Variants in ADAM12 observed in about 807,000 individuals in gnomAD.
ADAM12 encodes ADAM metallopeptidase domain 12, also known as disintegrin and metalloproteinase domain-containing protein 12.
Under a neutral mutation model 106.4 loss-of-function variants are expected in ADAM12, and 70 were observed. That is an observed-to-expected ratio of 0.66 (90% CI 0.54 to 0.80). ADAM12 has a LOEUF of 0.80. Ranked by LOEUF, ADAM12 falls within the 30% of genes least tolerant of loss-of-function variation. The pLI is 0.00. For synonymous variants in ADAM12, 420 were observed against 433.5 expected (o/e 0.97, Z 0.39); for missense variants, 1,010 against 1,171.9 (o/e 0.86, Z 2.02).
At chr10:126,221,404 A>AAAG (rs1554989463) in intron 3 of ADAM12, among the ~76,000 whole-genome samples, 127 of 149,916 alleles carry the variant, frequency 8.5e-4, no homozygotes, top group African/African-American at 2.7e-3. Context: ...AAAAAAAAAA[A>AAAG]AAAGAAAGAA....
intron 2 of ADAM12, among the ~76,000 whole-genome samples, chr10:126,296,948 G>A (rs1392760965): frequency 6.6e-6 from 1 of 152,208 alleles, no homozygotes; most frequent in Admixed American, 6.5e-5. Context: ...CAGCCAAGCT[G>A]GTAGCTGCCA....
chr10:126,335,300 G>A (rs187865262), intron 1 of ADAM12, among the ~76,000 whole-genome samples: 1 of 152,192 alleles, frequency 6.6e-6, no homozygotes, highest in Admixed American at 6.5e-5. Context: ...GCTTGAAAGG[G>A]AAATCATTAT....
intron 3 of ADAM12, among the ~76,000 whole-genome samples, chr10:126,237,873 T>C (rs1475960780): frequency 1.3e-5 from 2 of 152,146 alleles, no homozygotes; most frequent in Non-Finnish European, 2.9e-5. Context: ...TAGGATGACA[T>C]AAAGATCAAG....
intron 11 of ADAM12, 28 bp from the exon 12 acceptor site, chr10:126,071,682 G>A (rs374823436): frequency 6.2e-7 from 1 of 1,610,072 alleles, no homozygotes; most frequent in Non-Finnish European, 8.5e-7. Flanking sequence ...AGAACAGTAA[G>A]TCACAGGGCA....
At chr10:126,051,150 T>C (rs1425161025) in intron 14 of ADAM12, among the ~76,000 whole-genome samples, 20 of 152,210 alleles carry the variant, frequency 1.3e-4, no homozygotes, top group Admixed American at 1.3e-3. Context: ...AGAGCCTCAG[T>C]GTGGAACCTG....
intron 2 of ADAM12, among the ~76,000 whole-genome samples, chr10:126,286,116 T>C (rs1400568169): frequency 1.3e-5 from 2 of 152,154 alleles, no homozygotes; most frequent in Admixed American, 6.5e-5. Flanking sequence ...AATGTAGCTT[T>C]GCATGGTTGT....
intron 11 of ADAM12, among the ~76,000 whole-genome samples, chr10:126,092,587 A>G (rs868517864): frequency 6.6e-6 from 1 of 152,178 alleles, no homozygotes; most frequent in Admixed American, 6.5e-5. Flanking sequence ...GCAATATTTC[A>G]TTTCCTATCG....
chr10:126,098,743 T>G (rs1955604005), intron 9 of ADAM12, among the ~76,000 whole-genome samples: 1 of 152,232 alleles, frequency 6.6e-6, no homozygotes. Context: ...GTTATTACTT[T>G]TGTACTTATG....
rs957593665 is a variant in ADAM12 at position 126,388,463 on chromosome 10, G to A, written c.-318C>T. 3.3e-4 allele frequency: 71 copies of A among 217,736 alleles called. No individual in the cohort carries two copies. The highest frequency in any genetic ancestry group is 1.5e-3 in the African/African-American group (67 of 43,664). The allele number at this position is 217,736 out of a possible 1,614,324, so 13.5% of individuals were successfully genotyped here. ...CTAGGAAGAGCGTTAGTGAGAGAAG[G>A]CAGGCCTGTGAAATGGATCCACGGC... is the stretch of plus-strand genomic sequence containing the variant. On this transcript the variant is annotated 5_prime_UTR_variant, in exon 1 of 23. Transcript: ENST00000448723. This position sits in a 1 kb window ranked among gnomAD's most constrained non-coding sequence, Gnocchi z 4.4.
intron 5 of ADAM12, among the ~76,000 whole-genome samples, chr10:126,129,941 T>C (rs1310939651): frequency 6.6e-6 from 1 of 152,204 alleles, no homozygotes; most frequent in Non-Finnish European, 1.5e-5. Context: ...CTCCTTCTTC[T>C]ATGTTCTAGA....
rs1234013320 is a variant in ADAM12, at chr10:126,388,173, T to TA, written c.-29_-28insT. The TA allele has an allele frequency of 4.1e-5, 49 of 1,204,660 alleles. No homozygotes were observed. Among genetic ancestry groups the TA allele is most frequent in the Non-Finnish European group, 4.9e-5 (48 of 970,460 alleles). The allele number at this position is 1,204,660 out of a possible 1,614,324, so 74.6% of individuals were successfully genotyped here. On this transcript the variant is annotated 5_prime_UTR_variant, in exon 1 of 23. An upstream open reading frame in the 5' UTR gains an earlier in-frame stop. Transcript: ENST00000448723. The surrounding 1 kb of genome is among the most constrained non-coding windows in gnomAD (Gnocchi z 4.4). ...TCGCCGGCCTTCAGTGCAGCAGCTC[T>TA]CGGGCCCGGCGGCGAGCGCTGCACC...
At chr10:126,159,696 C>T (rs1036328317) in intron 3 of ADAM12, among the ~76,000 whole-genome samples, 5 of 152,246 alleles carry the variant, frequency 3.3e-5, no homozygotes, top group African/African-American at 9.6e-5. Flanking sequence ...TTAGAGAAAA[C>T]GAGCTTTTGA....
At chr10:126,020,551 T>G (rs548659833) in intron 21 of ADAM12, among the ~76,000 whole-genome samples, 140 of 152,106 alleles carry the variant, frequency 9.2e-4, no homozygotes, top group Non-Finnish European at 1.6e-3. Flanking sequence ...TTGACCTCTT[T>G]CTCTGGAAAA....
chr10:126,297,163 C>G (rs1431592386), intron 2 of ADAM12, among the ~76,000 whole-genome samples: 1 of 152,106 alleles, frequency 6.6e-6, no homozygotes, highest in Admixed American at 6.6e-5. Context: ...AAGGAAATAA[C>G]TAGAAAAGTA....
At chr10:126,387,857 C>T (rs1477751386) in intron 1 of ADAM12, among the ~76,000 whole-genome samples, 1 of 147,512 alleles carries the variant, frequency 6.8e-6, no homozygotes, top group African/African-American at 2.5e-5. Flanking sequence ...GGCTGCGGGC[C>T]AAGTGTCGCC....
chr10:126,109,670 C>A, intron 7 of ADAM12, 105 bp downstream of exon 7: 1 of 931,424 alleles, frequency 1.1e-6, no homozygotes, highest in South Asian at 1.7e-5. Context: ...CTTTTAAGAG[C>A]ACATAGGAAA....
At chr10:126,223,927 A>G (rs555214791) in intron 3 of ADAM12, among the ~76,000 whole-genome samples, 3 of 152,306 alleles carry the variant, frequency 2.0e-5, no homozygotes, top group Admixed American at 2.0e-4. Context: ...GCCCAGACTT[A>G]TAGATGAGGA....
chr10:126,165,326 C>T (rs1200644326), intron 3 of ADAM12, among the ~76,000 whole-genome samples: 4 of 152,168 alleles, frequency 2.6e-5, no homozygotes, highest in Non-Finnish European at 4.4e-5. Flanking sequence ...CACCATTACG[C>T]CTGGTTAATT....
intron 3 of ADAM12, among the ~76,000 whole-genome samples, chr10:126,219,902 C>T (rs1455775912): frequency 6.6e-6 from 1 of 152,208 alleles, no homozygotes; most frequent in Non-Finnish European, 1.5e-5. Flanking sequence ...CAATGGGAAT[C>T]TACCTGAATC....
Sources: gnomAD v4.1 joint callset for allele counts (sites outside exome capture counted in the v4.1 genomes callset) on GRCh38, gnomAD v4.1.1 for gene constraint, Gnocchi (gnomAD v3.1) non-coding constraint, MANE v1.5 for transcripts, NCBI Gene and HGNC (gene_info 2026-07-23, HGNC 2026-07-21) for gene names.